Variants in VWF observed in about 807,000 individuals in gnomAD.
VWF encodes the protein von Willebrand factor, also known as Factor VIII related antigen.
VWF carries 176 observed loss-of-function variants against 308.6 expected under a neutral mutation model. That is an observed-to-expected ratio of 0.57 (90% CI 0.50 to 0.65). The LOEUF is 0.65. Ranked by LOEUF, VWF falls within the 30% of genes least tolerant of loss-of-function variation. VWF has a pLI of 0.00. For missense variants in VWF, 3,146 were observed against 3,648.2 expected, an observed-to-expected ratio of 0.86 and a Z score of 3.55; for synonymous variants, 1,385 against 1,443.4, an observed-to-expected ratio of 0.96 and a Z score of 0.92.
intron 47 of VWF, among the ~76,000 whole-genome samples, chr12:5,959,680 A>C (rs1369700001): frequency 6.6e-6 from 1 of 152,126 alleles, no homozygotes; most frequent in East Asian, 1.9e-4. Context: ...ATATAATGAA[A>C]TTATATTGAA....
chr12:6,078,919 G>A (rs1325289369), intron 6 of VWF, among the ~76,000 whole-genome samples: 1 of 152,214 alleles, frequency 6.6e-6, no homozygotes, highest in Non-Finnish European at 1.5e-5. Flanking sequence ...ATGGCTTATA[G>A]AAAGCCTTAG....
chr12:5,977,160 A>G (rs925120082), intron 42 of VWF, among the ~76,000 whole-genome samples: 16 of 152,234 alleles, frequency 1.1e-4, no homozygotes, highest in Admixed American at 2.6e-4. Context: ...CCCTATGGAG[A>G]AGAATTGTTT....
intron 25 of VWF, 44 bp from the exon 26 acceptor site, chr12:6,022,942 C>T (rs1359517031): frequency 8.3e-6 from 3 of 363,064 alleles, no homozygotes; most frequent in African/African-American, 2.4e-5. Context: ...CAGGCAAAGC[C>T]TCCAGGACTG....
At position 6,114,613 on chromosome 12, in the gene VWF, A is replaced by G. The variant is rs935851534; in HGVS notation, c.221-3645T>C. Among the ~76,000 whole-genome samples, 3 of 152,142 alleles carry G rather than the reference A, an allele frequency of 2.0e-5. No homozygotes were observed. In the South Asian group the frequency reaches 6.2e-4, roughly 32 times the overall value. On this transcript the variant is annotated intron_variant, in intron 3 of 51. Coordinates refer to ENST00000261405, the MANE Select transcript of VWF (RefSeq NM_000552.5). ...CGGCAGACCCTGGGGTAACTTGCCT[A>G]TCATCACAGAGCTAGTCAGTGATGA... is the stretch of plus-strand genomic sequence containing the variant.
chr12:6,040,721 C>G (rs762527678), intron 18 of VWF, among the ~76,000 whole-genome samples: 2 of 152,220 alleles, frequency 1.3e-5, no homozygotes, highest in Non-Finnish European at 2.9e-5. Context: ...GACCCCCATC[C>G]TCCTCATTCC....
intron 3 of VWF, among the ~76,000 whole-genome samples, chr12:6,111,493 C>G (rs1945307206): frequency 6.6e-6 from 1 of 152,198 alleles, no homozygotes; most frequent in African/African-American, 2.4e-5. Context: ...CCACCTCAGC[C>G]TCCAGGGTAA....
In VWF at chr12:6,058,896, C is replaced by T. The variant is rs948493198; in HGVS notation, c.1534-852G>A. Reference sequence around the variant, plus strand: ...AGCTGGGGGCATCTGCTGGTTTCTACGGAGAGGACCCCGATTTGAAGGTGG... The same window carrying T: ...AGCTGGGGGCATCTGCTGGTTTCTATGGAGAGGACCCCGATTTGAAGGTGG... On this transcript the variant is annotated intron_variant, in intron 13 of 51. Transcript: ENST00000261405. The surrounding 1 kb of genome is among the most constrained non-coding windows in gnomAD (Gnocchi z 4.9). 2.0e-5 allele frequency among the ~76,000 whole-genome samples: 3 copies of T among 152,194 alleles called. No homozygotes were observed. The highest frequency in any genetic ancestry group is 1.9e-4 in the East Asian group (1 of 5,192).
At chr12:6,035,868 C>T (rs898839417) in intron 19 of VWF, among the ~76,000 whole-genome samples, 2 of 152,226 alleles carry the variant, frequency 1.3e-5, no homozygotes, top group Non-Finnish European at 2.9e-5. Flanking sequence ...CAACATGACA[C>T]CACATGGGTG....
Position 6,052,456 on chromosome 12 carries a change from C to T in VWF, c.2186+87G>A, listed in dbSNP as rs1944526041. 3.1e-6 allele frequency: 5 copies of T among 1,596,092 alleles called. No homozygotes were observed. In the Admixed American group the frequency reaches 8.3e-5, roughly 27 times the overall value. On this transcript the variant is annotated intron_variant, in intron 16 of 51. Coordinates refer to ENST00000261405, the MANE Select transcript of VWF (RefSeq NM_000552.5). ...TTCCTTCCTTGGGCCCCAGTTTACC[C>T]ATCCATGAAGTAAAGGACTTGGGGG...
At chr12:6,053,299 G>A (rs1214048503) in intron 15 of VWF, among the ~76,000 whole-genome samples, 7 of 152,180 alleles carry the variant, frequency 4.6e-5, no homozygotes, top group Admixed American at 6.5e-5. Flanking sequence ...GCCTCATGCC[G>A]AGTTAGCTCT....
At chr12:6,072,188 C>T in intron 9 of VWF, 143 bp downstream of exon 9, 1 of 715,056 alleles carries the variant, frequency 1.4e-6, no homozygotes. Context: ...TGTCCCTAGC[C>T]CCCACCAGTA....
chr12:5,976,089 G>T, intron 43 of VWF, 22 bp downstream of exon 43: 1 of 1,613,108 alleles, frequency 6.2e-7, no homozygotes. Flanking sequence ...CTGCAGGCAT[G>T]CCCAGCCCCT....
rs775806908 is a variant in VWF at position 5,996,022 on chromosome 12, C to T, written c.6043G>A (p.Glu2015Lys). 27 of 1,612,886 alleles carry T rather than the reference C, an allele frequency of 1.7e-5. No individual in the cohort carries two copies. The highest frequency in any genetic ancestry group is 2.2e-5 in the East Asian group (1 of 44,898). ...CTCACCTCCATGTCACTGTGCAGCTCGACGGAGAGGGCACTGTGCTTCACC... is the reference window on the plus strand; with the variant it reads ...CTCACCTCCATGTCACTGTGCAGCTTGACGGAGAGGGCACTGTGCTTCACC... ...IEVKHSALSVELHSDMEVTVN... is the reference protein window; with the variant it reads ...IEVKHSALSVKLHSDMEVTVN... Residue 2015 changes from glutamate (E) to lysine (K), a missense_variant, in exon 35 of 52, where the codon GAG becomes AAG. Physicochemically the swap from Glu to Lys is moderately conservative, Grantham distance 56. Around this residue, in one of 3 missense-constraint regions of VWF, gnomAD observed 989 missense variants for 1,117.4 expected, o/e 0.89. Transcript: ENST00000261405.
intron 34 of VWF, among the ~76,000 whole-genome samples, chr12:6,009,624 G>A (rs1480191517): frequency 1.3e-5 from 2 of 152,074 alleles, no homozygotes; most frequent in African/African-American, 4.8e-5. Context: ...CCACTTCTGG[G>A]TATTCATCCA....
chr12:5,985,216 G>T, intron 39 of VWF, 97 bp from the exon 40 acceptor site: 2 of 1,249,768 alleles, frequency 1.6e-6, no homozygotes, highest in Non-Finnish European at 2.3e-6. Flanking sequence ...ACTAGTAGGA[G>T]TTCTGTACGG....
intron 46 of VWF, 132 bp from the exon 47 acceptor site, chr12:5,967,734 C>G (rs1227746232): frequency 1.2e-6 from 1 of 844,148 alleles, no homozygotes; most frequent in East Asian, 2.4e-5. Context: ...CCTCCTGTCT[C>G]CTATGGCCCA....
chr12:6,092,083 G>C (rs1027941510), intron 6 of VWF, among the ~76,000 whole-genome samples: 1 of 152,086 alleles, frequency 6.6e-6, no homozygotes, highest in African/African-American at 2.4e-5. Flanking sequence ...ATGGTCCTGG[G>C]TATAGGCAGG....
chr12:6,077,896 C>T (rs1201916267), intron 6 of VWF, among the ~76,000 whole-genome samples: 2 of 152,176 alleles, frequency 1.3e-5, no homozygotes, highest in Non-Finnish European at 2.9e-5. Context: ...AGCGTCTTCC[C>T]CATGCTAGCG....
At chr12:6,121,895 C>T (rs1202029730) in intron 2 of VWF, among the ~76,000 whole-genome samples, 1 of 151,346 alleles carries the variant, frequency 6.6e-6, no homozygotes, top group East Asian at 1.9e-4. Flanking sequence ...CATACCACTG[C>T]ACTCTAGACT....
Sources: gnomAD v4.1 joint callset for allele counts (sites outside exome capture counted in the v4.1 genomes callset) on GRCh38, gnomAD v4.1.1 for gene constraint, gnomAD v4.1.1 regional missense constraint, Gnocchi (gnomAD v3.1) non-coding constraint, MANE v1.5 for transcripts, NCBI Gene and HGNC (gene_info 2026-07-23, HGNC 2026-07-21) for gene names.